ZNF277: variants seen among roughly 807,000 people sequenced by gnomAD.
ZNF277 encodes the protein nuclear receptor-interacting factor 4.
Under a neutral mutation model 60.7 loss-of-function variants are expected in ZNF277, and 55 were observed. That is an observed-to-expected ratio of 0.91 (90% confidence interval 0.73 to 1.13). The LOEUF (loss-of-function observed/expected upper bound fraction) is 1.13, where lower values mean the gene tolerates loss of function less well. Among genes scored for constraint, ZNF277 ranks in the 50% most tolerant of loss-of-function variants. ZNF277 has a pLI of 0.00. For missense variants in ZNF277, 510 were observed against 523.0 expected, an observed-to-expected ratio of 0.98 and a Z score of 0.24; for synonymous variants, 178 against 179.3, an observed-to-expected ratio of 0.99 and a Z score of 0.06.
chr7:112,212,327 C>G (rs1361752542), intron 1 of ZNF277, among the ~76,000 whole-genome samples: 1 of 152,158 alleles, frequency 6.6e-6, no homozygotes, highest in Non-Finnish European at 1.5e-5. Flanking sequence ...TAAGTCCAGT[C>G]TCATATATTT....
chr7:112,329,935 G>C (rs1793184442), intron 6 of ZNF277, 149 bp from the exon 7 acceptor site: 6 of 935,280 alleles, frequency 6.4e-6, no homozygotes, highest in Admixed American at 3.1e-5. Flanking sequence ...AATGAATAAA[G>C]TGAGGGGGGA....
At chr7:112,258,830 C>T (rs902674266) in intron 1 of ZNF277, among the ~76,000 whole-genome samples, 1 of 151,812 alleles carries the variant, frequency 6.6e-6, no homozygotes, top group African/African-American at 2.4e-5. Flanking sequence ...TCTGTGGTTC[C>T]AATGAACATT....
chr7:112,274,297 A>G (rs1271684594), intron 1 of ZNF277, among the ~76,000 whole-genome samples: 5 of 152,092 alleles, frequency 3.3e-5, no homozygotes. Flanking sequence ...AGCTGGGACC[A>G]CAAGTGTGTG....
intron 1 of ZNF277, among the ~76,000 whole-genome samples, chr7:112,212,332 A>G (rs1461450432): frequency 6.6e-6 from 1 of 152,208 alleles, no homozygotes; most frequent in Non-Finnish European, 1.5e-5. Context: ...CCAGTCTCAT[A>G]TATTTGACAT....
At chr7:112,292,501 T>C (rs1338049661) in intron 2 of ZNF277, among the ~76,000 whole-genome samples, 1 of 152,206 alleles carries the variant, frequency 6.6e-6, no homozygotes, top group Non-Finnish European at 1.5e-5. Context: ...AAGCATTCTA[T>C]GTGACCTCAT....
chr7:112,213,271 G>A (rs372104394), intron 1 of ZNF277, among the ~76,000 whole-genome samples: 3 of 152,276 alleles, frequency 2.0e-5, no homozygotes, highest in East Asian at 3.9e-4. Context: ...CCCCAGCCAT[G>A]TGAAACTCTA....
chr7:112,288,042 G>A (rs561247435), intron 2 of ZNF277: 6 of 152,294 alleles, frequency 3.9e-5, no homozygotes, highest in African/African-American at 7.2e-5. Context: ...TTCTCTGAGT[G>A]GGTCCTTCCA....
chr7:112,263,079 A>G (rs905362168), intron 1 of ZNF277, among the ~76,000 whole-genome samples: 2 of 152,160 alleles, frequency 1.3e-5, no homozygotes, highest in Non-Finnish European at 2.9e-5. Flanking sequence ...TAACCCTTGT[A>G]TAACCTTTTT....
intron 2 of ZNF277, among the ~76,000 whole-genome samples, chr7:112,295,075 G>C (rs2117074669): frequency 6.6e-6 from 1 of 152,144 alleles, no homozygotes; most frequent in South Asian, 2.1e-4. Context: ...GGGAGCTATA[G>C]AATCAAGCTT....
intron 4 of ZNF277, among the ~76,000 whole-genome samples, chr7:112,304,881 T>C (rs1025187998): frequency 3.3e-5 from 5 of 152,148 alleles, no homozygotes; most frequent in African/African-American, 1.2e-4. Context: ...TACTTTCAAA[T>C]TTATTTAGAA....
chr7:112,268,847 G>T (rs979316756), intron 1 of ZNF277, among the ~76,000 whole-genome samples: 1 of 152,016 alleles, frequency 6.6e-6, no homozygotes, highest in Non-Finnish European at 1.5e-5. Context: ...TTCATTGATT[G>T]CCACTTAATA....
Position 112,301,884 on chromosome 7 carries a change from A to G in ZNF277, c.465+5573A>G, listed in dbSNP as rs551189451. 3.3e-5 allele frequency among the ~76,000 whole-genome samples: 5 copies of G among 152,208 alleles called. No individual in the cohort carries two copies. The South Asian group carries it at 1.0e-3, about 32-fold the overall frequency. On this transcript the variant is annotated intron_variant, in intron 4 of 11. Transcript: ENST00000361822. The stretch of plus-strand genomic sequence containing the variant: ...ATTTCATCCTGAAGTATTGGCTTGT[A>G]ATTTCTATAAAGCCATATAGTCAAA...
chr7:112,209,677 T>TCTTAATAACCTATGTATCAAAAGTAAC (rs1361810954), intron 1 of ZNF277, among the ~76,000 whole-genome samples: 2 of 152,210 alleles, frequency 1.3e-5, no homozygotes, highest in Admixed American at 1.3e-4. Context: ...TATGTATCAT[T>TCTTAATAACCTATGTATCAAAAGTAAC]CTGTTACTTT....
At chr7:112,251,100 T>C (rs566041947) in intron 1 of ZNF277, among the ~76,000 whole-genome samples, 1 of 152,312 alleles carries the variant, frequency 6.6e-6, no homozygotes, top group South Asian at 2.1e-4. Context: ...CTTCCAATCA[T>C]ATAAATCCTG....
intron 1 of ZNF277, among the ~76,000 whole-genome samples, chr7:112,227,205 T>C (rs1288829951): frequency 2.0e-5 from 3 of 152,244 alleles, no homozygotes; most frequent in African/African-American, 7.2e-5. Context: ...AATTAGTTGA[T>C]CCTGCTGTGA....
chr7:112,297,904 G>A (rs1017839449), intron 4 of ZNF277, among the ~76,000 whole-genome samples: 5 of 152,132 alleles, frequency 3.3e-5, no homozygotes, highest in African/African-American at 9.7e-5. Context: ...GAATCTGTAC[G>A]ATGTGTCTGC....
chr7:112,250,103 A>G (rs2117008158), intron 1 of ZNF277, among the ~76,000 whole-genome samples: 1 of 152,264 alleles, frequency 6.6e-6, no homozygotes, highest in Middle Eastern at 3.4e-3. Context: ...CTCAGCATGG[A>G]ACATCCCTGA....
At chr7:112,292,915 G>A (rs1360219452) in intron 2 of ZNF277, among the ~76,000 whole-genome samples, 1 of 151,936 alleles carries the variant, frequency 6.6e-6, no homozygotes, top group Non-Finnish European at 1.5e-5. Flanking sequence ...ATTTCCCTGG[G>A]ATAAATATAA....
Position 112,298,667 on chromosome 7 carries a change from T to C in ZNF277, c.465+2356T>C, listed in dbSNP as rs543751627. 3.3e-5 allele frequency among the ~76,000 whole-genome samples: 5 copies of C among 152,242 alleles called. No homozygotes were observed. The East Asian group carries it at 7.7e-4, about 24-fold the overall frequency. On this transcript the variant is annotated intron_variant, in intron 4 of 11. Coordinates refer to ENST00000361822, the MANE Select transcript of ZNF277 (RefSeq NM_021994.3). ...AAAGCCTGAGAAAGACTAGACCAACTTGGGGATTGGAAGTAAGCTAACAAT... is the reference window on the plus strand; with the variant it reads ...AAAGCCTGAGAAAGACTAGACCAACCTGGGGATTGGAAGTAAGCTAACAAT...
Sources: gnomAD v4.1 joint callset for allele counts (sites outside exome capture counted in the v4.1 genomes callset) on GRCh38, gnomAD v4.1.1 for gene constraint, MANE v1.5 for transcripts, NCBI Gene and HGNC (gene_info 2026-07-23, HGNC 2026-07-21) for gene names.